Variants in FGF14 observed in about 807,000 individuals in gnomAD.
FGF14 encodes the protein fibroblast growth factor 14.
In FGF14, 5 loss-of-function variants were observed where a neutral mutation model predicts 25.5. The observed-to-expected ratio is 0.20, with a 90% confidence interval of 0.10 to 0.41. The LOEUF is 0.41. Among genes scored for constraint, FGF14 ranks in the 10% least tolerant of loss-of-function variants. The pLI is 1.00. For missense variants in FGF14, 222 were observed against 320.1 expected (o/e 0.69, Z 2.34); for synonymous variants, 138 against 118.3 (o/e 1.17, Z -1.08).
intron 1 of FGF14, among the ~76,000 whole-genome samples, chr13:102,290,636 C>T (rs947869663): frequency 1.3e-5 from 2 of 152,146 alleles, no homozygotes; most frequent in African/African-American, 4.8e-5. Flanking sequence ...AGTGCTGTGC[C>T]TGAGCCCAGC....
At chr13:102,245,641 T>C (rs992154791) in intron 1 of FGF14, among the ~76,000 whole-genome samples, 1 of 152,038 alleles carries the variant, frequency 6.6e-6, no homozygotes, top group African/African-American at 2.4e-5. Flanking sequence ...TAATGAAAAA[T>C]AATTTTAATA....
chr13:102,106,413 A>G (rs2044918429), intron 1 of FGF14, among the ~76,000 whole-genome samples: 1 of 152,090 alleles, frequency 6.6e-6, no homozygotes, highest in South Asian at 2.1e-4. Flanking sequence ...TCTACTAAAA[A>G]TACAAAATAA....
chr13:101,781,552 T>C (rs2039493654), intron 3 of FGF14, among the ~76,000 whole-genome samples: 1 of 152,236 alleles, frequency 6.6e-6, no homozygotes, highest in Non-Finnish European at 1.5e-5. Flanking sequence ...CCTTTAACTG[T>C]ATTATCTCAT....
intron 1 of FGF14, among the ~76,000 whole-genome samples, chr13:102,321,292 C>T (rs990171061): frequency 3.9e-5 from 6 of 151,902 alleles, no homozygotes; most frequent in African/African-American, 1.5e-4. Context: ...CCATGGTAGT[C>T]GATAAATAAT....
intron 1 of FGF14, among the ~76,000 whole-genome samples, chr13:102,069,069 T>C (rs2043038296): frequency 6.6e-6 from 1 of 152,070 alleles, no homozygotes; most frequent in South Asian, 2.1e-4. Context: ...TGGTGGGGCC[T>C]CCGAGAACCT....
At chr13:101,739,642 AG>A (rs2036414443) in intron 3 of FGF14, among the ~76,000 whole-genome samples, 1 of 152,228 alleles carries the variant, frequency 6.6e-6, no homozygotes, top group Non-Finnish European at 1.5e-5. Context: ...TGAATGAAAA[AG>A]AGAAAACAAC....
chr13:101,941,532 T>G (rs1280046184), intron 1 of FGF14, among the ~76,000 whole-genome samples: 1 of 152,152 alleles, frequency 6.6e-6, no homozygotes, highest in Non-Finnish European at 1.5e-5. Context: ...CTGTCCTGAG[T>G]TGCAGCAAGA....
intron 1 of FGF14, among the ~76,000 whole-genome samples, chr13:101,989,982 G>T (rs2038807180): frequency 6.6e-6 from 1 of 152,182 alleles, no homozygotes; most frequent in African/African-American, 2.4e-5. Context: ...ATCCCTAAAA[G>T]AACTCTGTCT....
chr13:101,728,992 GAGA>G (rs2035628025), intron 3 of FGF14, among the ~76,000 whole-genome samples: 1 of 152,112 alleles, frequency 6.6e-6, no homozygotes, highest in Non-Finnish European at 1.5e-5. Context: ...GAATATGGAA[GAGA>G]AGAAGATGCT....
intron 1 of FGF14, among the ~76,000 whole-genome samples, chr13:102,349,799 T>A (rs144209074): frequency 6.6e-6 from 1 of 152,198 alleles, no homozygotes; most frequent in African/African-American, 2.4e-5. Context: ...TCTGGGAATA[T>A]GTACTTTCAC....
At chr13:101,746,449 C>T (rs2036897011) in intron 3 of FGF14, among the ~76,000 whole-genome samples, 1 of 151,910 alleles carries the variant, frequency 6.6e-6, no homozygotes, top group African/African-American at 2.4e-5. Context: ...ATACTGAAAA[C>T]TCTAGCTCAG....
At chr13:101,821,219 A>T (rs1397782621) in intron 3 of FGF14, among the ~76,000 whole-genome samples, 1 of 152,176 alleles carries the variant, frequency 6.6e-6, no homozygotes, top group Non-Finnish European at 1.5e-5. Context: ...AAGTGCTGGG[A>T]TTACAGGCGT....
intron 1 of FGF14, among the ~76,000 whole-genome samples, chr13:101,890,040 C>T (rs1293451595): frequency 4.6e-5 from 7 of 152,148 alleles, no homozygotes; most frequent in African/African-American, 2.4e-5. Context: ...TTGTACCAAA[C>T]CATCTTTGCT....
intron 1 of FGF14, among the ~76,000 whole-genome samples, chr13:101,942,948 T>C (rs191365694): frequency 4.8e-4 from 73 of 152,352 alleles, no homozygotes; most frequent in African/African-American, 1.6e-3. Flanking sequence ...TCGGCAGAGC[T>C]AATGAAAACC....
intron 3 of FGF14, among the ~76,000 whole-genome samples, chr13:101,777,705 C>G (rs1345455290): frequency 6.6e-6 from 1 of 152,150 alleles, no homozygotes; most frequent in Non-Finnish European, 1.5e-5. Context: ...AGATTTTAAA[C>G]TTCCTTTAAA....
Position 101,916,713 on chromosome 13 carries a change from G to T in FGF14, c.-68C>A, listed in dbSNP as rs1042587764. ...ACGGCGAGCCGGGGGCACCGGAGGG[G>T]AAGGCGGCGGCGCAGACCGTGGCTC... On this transcript the variant is annotated 5_prime_UTR_variant, in exon 1 of 5. Transcript: ENST00000376143. 2.9e-6 allele frequency: 4 copies of T among 1,369,314 alleles called. No individual in the cohort carries two copies. The highest frequency in any genetic ancestry group is 3.9e-6 in the Non-Finnish European group (4 of 1,033,938). The allele number at this position is 1,369,314 out of a possible 1,614,324, so 84.8% of individuals were successfully genotyped here. A position where few individuals can be genotyped will look rare whatever the true frequency, so the allele number is the denominator to read the frequency against.
At chr13:102,017,570 T>G (rs2040413785) in intron 1 of FGF14, among the ~76,000 whole-genome samples, 1 of 151,742 alleles carries the variant, frequency 6.6e-6, no homozygotes, top group South Asian at 2.1e-4. Flanking sequence ...ATTCCAAAAT[T>G]TCACCAAGAT....
intron 2 of FGF14, among the ~76,000 whole-genome samples, chr13:101,874,134 C>G (rs1398342143): frequency 6.6e-6 from 1 of 151,826 alleles, no homozygotes; most frequent in Non-Finnish European, 1.5e-5. Context: ...TAACTACTGC[C>G]AGAATCAGTG....
chr13:102,175,563 A>C (rs2048413335), intron 1 of FGF14, among the ~76,000 whole-genome samples: 1 of 152,178 alleles, frequency 6.6e-6, no homozygotes, highest in African/African-American at 2.4e-5. Context: ...TAACAAAAAC[A>C]AAAATCGACA....
Sources: gnomAD v4.1 joint callset for allele counts (sites outside exome capture counted in the v4.1 genomes callset) on GRCh38, gnomAD v4.1.1 for gene constraint, MANE v1.5 for transcripts, NCBI Gene and HGNC (gene_info 2026-07-23, HGNC 2026-07-21) for gene names.